The following NRG3 variants were observed in gnomAD, a reference collection of about 807,000 sequenced individuals.
The protein encoded by NRG3 is neuregulin 3, also known as pro-neuregulin-3, membrane-bound isoform.
NRG3 carries 31 observed loss-of-function variants against 66.9 expected under a neutral mutation model. That is an observed-to-expected ratio of 0.46 (90% confidence interval 0.35 to 0.63). The LOEUF (loss-of-function observed/expected upper bound fraction) is 0.63, where lower values mean the gene tolerates loss of function less well. NRG3 is among the 20% of genes least tolerant of loss of function. The pLI is 0.00. For missense variants in NRG3, 910 were observed against 878.9 expected, an observed-to-expected ratio of 1.04 and a Z score of -0.45; for synonymous variants, 393 against 359.4, an observed-to-expected ratio of 1.09 and a Z score of -1.06.
chr10:82,452,737 T>C (rs1038697930), intron 2 of NRG3, among the ~76,000 whole-genome samples: 2 of 152,174 alleles, frequency 1.3e-5, no homozygotes, highest in Non-Finnish European at 2.9e-5. Flanking sequence ...GATATAGTCA[T>C]GTGTTGATTC....
chr10:82,127,823 C>T (rs2068548951), intron 1 of NRG3, among the ~76,000 whole-genome samples: 1 of 151,936 alleles, frequency 6.6e-6, no homozygotes, highest in Non-Finnish European at 1.5e-5. Context: ...GGCATCCCCA[C>T]CCTGCTAGGA....
chr10:82,781,410 A>G (rs2060113606), intron 3 of NRG3, among the ~76,000 whole-genome samples: 1 of 152,184 alleles, frequency 6.6e-6, no homozygotes, highest in South Asian at 2.1e-4. Context: ...ACCCTGTGCT[A>G]CATGTAACAG....
At chr10:82,929,882 A>C (rs1847389373) in intron 4 of NRG3, among the ~76,000 whole-genome samples, 2 of 151,878 alleles carry the variant, frequency 1.3e-5, no homozygotes, top group South Asian at 4.2e-4. Context: ...TCTCAAAAAA[A>C]AAAAAAAAGG....
At chr10:82,744,410 C>G (rs946875352) in intron 3 of NRG3, among the ~76,000 whole-genome samples, 3 of 152,166 alleles carry the variant, frequency 2.0e-5, no homozygotes, top group African/African-American at 7.2e-5. Flanking sequence ...GGTGCATTCT[C>G]TGTTTCCTTA....
chr10:81,980,542 T>A, intron 1 of NRG3, among the ~76,000 whole-genome samples: 1 of 152,152 alleles, frequency 6.6e-6, no homozygotes, highest in East Asian at 1.9e-4. Context: ...TAATCTTTAT[T>A]TTAAGGAGAG....
chr10:82,446,062 AT>A, intron 2 of NRG3, among the ~76,000 whole-genome samples: 1 of 152,204 alleles, frequency 6.6e-6, no homozygotes, highest in Non-Finnish European at 1.5e-5. Flanking sequence ...AGAGGCTGCC[AT>A]TTTCCCCAAC....
rs944210219 is a variant in NRG3 at position 82,324,536 on chromosome 10, T to A, written c.824-34203T>A. Among the ~76,000 whole-genome samples, 4 of 152,184 alleles carry A rather than the reference T, an allele frequency of 2.6e-5. No individual in the cohort carries two copies. The South Asian group carries it at 8.3e-4, about 31-fold the overall frequency. On this transcript the variant is annotated intron_variant, in intron 1 of 8. Coordinates refer to ENST00000372141, the MANE Select transcript of NRG3 (RefSeq NM_001010848.4). ...TTATTAACATGAGGTGTTTTTAAAATTCTAATATAGGTTACCAGTGCTATA... is the reference window on the plus strand; with the variant it reads ...TTATTAACATGAGGTGTTTTTAAAAATCTAATATAGGTTACCAGTGCTATA...
intron 2 of NRG3, among the ~76,000 whole-genome samples, chr10:82,732,035 G>T (rs1050209024): frequency 2.0e-5 from 3 of 152,052 alleles, no homozygotes; most frequent in Non-Finnish European, 2.9e-5. Context: ...TACAATATAG[G>T]TTAATAGCTT....
intron 1 of NRG3, among the ~76,000 whole-genome samples, chr10:81,932,176 G>GGAGAGAGAGAGAGAGGAGAGAGAGATT: frequency 6.7e-6 from 1 of 149,510 alleles, no homozygotes; most frequent in Non-Finnish European, 1.5e-5. Context: ...TTGAGAGAGA[G>GGAGAGAGAGAGAGAGGAGAGAGAGATT]GAGAGAGAGA....
Position 81,877,890 on chromosome 10 carries a change from T to C in NRG3, c.823+1727T>C, listed in dbSNP as rs1841819924. ...TGAGTGTATGTGTGAACATATTCAA[T>C]GGATTGAAAATGAGTCTACCCTGAA... On this transcript the variant is annotated intron_variant, in intron 1 of 8. Coordinates refer to ENST00000372141, the MANE Select transcript of NRG3 (RefSeq NM_001010848.4). 6.5e-6 allele frequency: 10 copies of C among 1,534,088 alleles called. No homozygotes were observed. The South Asian group carries it at 1.1e-4, about 17-fold the overall frequency.
chr10:82,858,358 A>G (rs1401578672), intron 3 of NRG3, among the ~76,000 whole-genome samples: 1 of 152,066 alleles, frequency 6.6e-6, no homozygotes, highest in Non-Finnish European at 1.5e-5. Flanking sequence ...TTTTGCTGTA[A>G]TAAACTGGGA....
At chr10:82,925,609 G>A (rs1215589824) in intron 4 of NRG3, among the ~76,000 whole-genome samples, 1 of 152,290 alleles carries the variant, frequency 6.6e-6, no homozygotes, top group East Asian at 1.9e-4. Context: ...ATTCCCAGTA[G>A]CAGAAAAACT....
In NRG3 at chr10:81,925,750, A is replaced by T. The variant is rs200085261; in HGVS notation, c.823+49587A>T. Among the ~76,000 whole-genome samples, 561 of 146,244 alleles carry T rather than the reference A, an allele frequency of 3.8e-3. 14 individuals carry two copies. In the South Asian group the frequency reaches 0.046, roughly 12 times the overall value. On this transcript the variant is annotated intron_variant, in intron 1 of 8. Transcript: ENST00000372141. ...TTTTCTGAAAAAACTTTTTTTTTAA[A>T]AAAAAAAGAGAAATCCATCTTGATT... is the stretch of plus-strand genomic sequence containing the variant.
At chr10:81,948,602 A>G (rs1212420343) in intron 1 of NRG3, among the ~76,000 whole-genome samples, 1 of 152,160 alleles carries the variant, frequency 6.6e-6, no homozygotes, top group East Asian at 1.9e-4. Context: ...TGAAACAGGC[A>G]GTGCTGTACA....
chr10:82,192,634 C>T (rs2133368532), intron 1 of NRG3, among the ~76,000 whole-genome samples: 1 of 152,218 alleles, frequency 6.6e-6, no homozygotes, highest in Middle Eastern at 3.4e-3. Flanking sequence ...ATCCCATTGT[C>T]CCTATTATTT....
intron 1 of NRG3, among the ~76,000 whole-genome samples, chr10:81,950,544 A>G (rs1048092032): frequency 6.6e-6 from 1 of 152,150 alleles, no homozygotes; most frequent in African/African-American, 2.4e-5. Context: ...CTGAATCCAA[A>G]TGATGCCGCT....
chr10:82,377,465 C>CGCGT (rs1183350226), intron 2 of NRG3, among the ~76,000 whole-genome samples: 3 of 151,216 alleles, frequency 2.0e-5, no homozygotes, highest in East Asian at 2.0e-4. Context: ...TGTGCGCGAG[C>CGCGT]GCACATGCGT....
chr10:82,567,786 A>T (rs997434638), intron 2 of NRG3, among the ~76,000 whole-genome samples: 1 of 151,956 alleles, frequency 6.6e-6, no homozygotes, highest in African/African-American at 2.4e-5. Flanking sequence ...TAGTTTCTTT[A>T]CACCATTACA....
chr10:82,255,256 A>T (rs1434098786), intron 1 of NRG3, among the ~76,000 whole-genome samples: 1 of 152,172 alleles, frequency 6.6e-6, no homozygotes, highest in Non-Finnish European at 1.5e-5. Context: ...AAAACCATCA[A>T]GGTCATCACA....
Sources: gnomAD v4.1 joint callset for allele counts (sites outside exome capture counted in the v4.1 genomes callset) on GRCh38, gnomAD v4.1.1 for gene constraint, MANE v1.5 for transcripts, NCBI Gene and HGNC (gene_info 2026-07-23, HGNC 2026-07-21) for gene names.